The following SERGEF variants were observed in gnomAD, a reference collection of about 807,000 sequenced individuals.
SERGEF encodes secretion regulating guanine nucleotide exchange factor, also known as secretion-regulating guanine nucleotide exchange factor.
Under a neutral mutation model 50.0 loss-of-function variants are expected in SERGEF, and 51 were observed. That is an observed-to-expected ratio of 1.02 (90% confidence interval 0.81 to 1.29). The LOEUF (loss-of-function observed/expected upper bound fraction) is 1.29, where lower values mean the gene tolerates loss of function less well. Ranked by LOEUF, SERGEF falls within the 50% of genes most tolerant of loss-of-function variation. The pLI is 0.00. For missense variants in SERGEF, 521 were observed against 557.0 expected (o/e 0.94, Z 0.65); for synonymous variants, 205 against 212.4 (o/e 0.97, Z 0.30).
At chr11:17,949,280 T>C (rs549989171) in intron 9 of SERGEF, among the ~76,000 whole-genome samples, 1 of 152,152 alleles carries the variant, frequency 6.6e-6, no homozygotes, top group East Asian at 1.9e-4. Context: ...GATGGGGAAC[T>C]ACAGGGCTCG....
chr11:17,865,431 C>A (rs1006963135), intron 10 of SERGEF, among the ~76,000 whole-genome samples: 1 of 151,914 alleles, frequency 6.6e-6, no homozygotes, highest in African/African-American at 2.4e-5. Context: ...TCCTAAAAGG[C>A]AGGTCCTTCA....
chr11:17,863,353 C>A lies in SERGEF; in HGVS notation c.1048+14855G>T, dbSNP rs73426238. On this transcript the variant is annotated intron_variant, in intron 10 of 10. Transcript: ENST00000265965. ...ATAACCCACGATAGTTCTACACTGT[C>A]TAAACAATAAAGTCAATGCCTTTCA... 2.9e-3 allele frequency among the ~76,000 whole-genome samples: 436 copies of A among 152,328 alleles called. 2 individuals carry two copies. Among genetic ancestry groups the A allele is most frequent in the African/African-American group, 0.01 (422 of 41,576 alleles).
intron 9 of SERGEF, among the ~76,000 whole-genome samples, chr11:17,953,963 A>G (rs1272411325): frequency 6.6e-6 from 1 of 152,220 alleles, no homozygotes; most frequent in Non-Finnish European, 1.5e-5. Flanking sequence ...CAGATGTGCT[A>G]GATTTTTAAA....
chr11:17,815,327 G>T (rs1324988463), intron 10 of SERGEF, among the ~76,000 whole-genome samples: 3 of 152,018 alleles, frequency 2.0e-5, no homozygotes, highest in Non-Finnish European at 4.4e-5. Context: ...GGCCGGGCAT[G>T]GTGGCTCACG....
At chr11:17,867,861 G>A (rs527446647) in intron 10 of SERGEF, among the ~76,000 whole-genome samples, 52 of 152,270 alleles carry the variant, frequency 3.4e-4, no homozygotes, top group Non-Finnish European at 4.7e-4. Context: ...CTGAAGCCAC[G>A]GCCAGGGCTC....
chr11:17,879,005 C>T (rs1213477051), intron 9 of SERGEF, among the ~76,000 whole-genome samples: 1 of 152,182 alleles, frequency 6.6e-6, no homozygotes, highest in Non-Finnish European at 1.5e-5. Context: ...GTTTCCTGTC[C>T]TCTTATGAGA....
intron 6 of SERGEF, among the ~76,000 whole-genome samples, chr11:17,993,394 T>C (rs1853762309): frequency 6.6e-6 from 1 of 152,236 alleles, no homozygotes; most frequent in African/African-American, 2.4e-5. Context: ...TGTGTGTGTG[T>C]CTGTGTGTCT....
chr11:17,910,160 AT>A (rs1271185629), intron 9 of SERGEF, among the ~76,000 whole-genome samples: 1 of 148,656 alleles, frequency 6.7e-6, no homozygotes, highest in East Asian at 2.1e-4. Flanking sequence ...ACTTGGAACC[AT>A]TTGCCACCTA....
At chr11:17,923,322 G>T (rs961123350) in intron 9 of SERGEF, among the ~76,000 whole-genome samples, 4 of 152,244 alleles carry the variant, frequency 2.6e-5, no homozygotes, top group Non-Finnish European at 5.9e-5. Flanking sequence ...GTACACAGCA[G>T]AGGCTGGCCA....
At chr11:17,816,947 G>A (rs1420619331) in intron 10 of SERGEF, among the ~76,000 whole-genome samples, 2 of 152,098 alleles carry the variant, frequency 1.3e-5, no homozygotes. Context: ...TATACCAAAT[G>A]GTCCTTCAAG....
At chr11:17,823,759 G>A (rs1482745114) in intron 10 of SERGEF, among the ~76,000 whole-genome samples, 1 of 152,184 alleles carries the variant, frequency 6.6e-6, no homozygotes, top group Admixed American at 6.5e-5. Flanking sequence ...TGAGTGAGAT[G>A]CTGACTTCCA....
At chr11:17,898,666 T>C (rs1337719600) in intron 9 of SERGEF, among the ~76,000 whole-genome samples, 2 of 152,330 alleles carry the variant, frequency 1.3e-5, no homozygotes, top group Non-Finnish European at 2.9e-5. Context: ...TATATTTCAT[T>C]AAGAAACATT....
chr11:17,956,972 C>A (rs1304083318), intron 9 of SERGEF, among the ~76,000 whole-genome samples: 1 of 152,200 alleles, frequency 6.6e-6, no homozygotes, highest in East Asian at 1.9e-4. Context: ...CGAGCAAATA[C>A]ATGCCTAGCA....
At chr11:17,802,256 G>A (rs1482478714) in intron 10 of SERGEF, among the ~76,000 whole-genome samples, 1 of 152,186 alleles carries the variant, frequency 6.6e-6, no homozygotes, top group Non-Finnish European at 1.5e-5. Flanking sequence ...ACCCAAAAAT[G>A]AGGCAGCCCT....
chr11:18,007,883 C>G (rs550664411), intron 2 of SERGEF, 58 bp downstream of exon 2: 2 of 1,514,466 alleles, frequency 1.3e-6, no homozygotes, highest in East Asian at 4.6e-5. Flanking sequence ...AATATCATAT[C>G]CAGGGGAAAA....
chr11:18,011,000 A>G (rs1209724356), intron 1 of SERGEF, among the ~76,000 whole-genome samples: 1 of 152,154 alleles, frequency 6.6e-6, no homozygotes, highest in Non-Finnish European at 1.5e-5. Flanking sequence ...TACGGTACCA[A>G]TTTTTGTAAC....
At chr11:18,008,445 C>G (rs1170924284) in intron 1 of SERGEF, among the ~76,000 whole-genome samples, 1 of 152,204 alleles carries the variant, frequency 6.6e-6, no homozygotes, top group Non-Finnish European at 1.5e-5. Flanking sequence ...AAATGCCCTG[C>G]TTGGCCTCCT....
intron 10 of SERGEF, among the ~76,000 whole-genome samples, chr11:17,802,460 G>A (rs981478335): frequency 1.3e-5 from 2 of 152,104 alleles, no homozygotes; most frequent in Non-Finnish European, 2.9e-5. Flanking sequence ...AGGCTGAGGC[G>A]AGGCACATTT....
At chr11:17,873,170 C>T (rs1033239465) in intron 10 of SERGEF, among the ~76,000 whole-genome samples, 30 of 152,166 alleles carry the variant, frequency 2.0e-4, no homozygotes, top group Admixed American at 3.3e-4. Context: ...GGTCCACAGG[C>T]TCTGAAATTA....
Sources: gnomAD v4.1 joint callset for allele counts (sites outside exome capture counted in the v4.1 genomes callset) on GRCh38, gnomAD v4.1.1 for gene constraint, MANE v1.5 for transcripts, NCBI Gene and HGNC (gene_info 2026-07-23, HGNC 2026-07-21) for gene names.